Variants in CCDC150 observed in about 807,000 individuals in gnomAD.
CCDC150 encodes coiled-coil domain-containing protein 150.
Under a neutral mutation model 156.5 loss-of-function variants are expected in CCDC150, and 151 were observed. The ratio of observed to expected loss-of-function variants is 0.97; its 90% confidence interval spans 0.85 to 1.10. The LOEUF is 1.10. Ranked by LOEUF, CCDC150 falls within the 50% of genes least tolerant of loss-of-function variation. CCDC150 has a pLI of 0.00. For synonymous variants in CCDC150, 452 were observed against 429.4 expected (o/e 1.05, Z -0.65); for missense variants, 1,312 against 1,268.1 (o/e 1.03, Z -0.53).
At chr2:196,720,775 A>T in intron 20 of CCDC150, 107 bp downstream of exon 20, 1 of 1,004,324 alleles carries the variant, frequency 1.0e-6, no homozygotes, top group Non-Finnish European at 1.5e-6. Context: ...TGTTTTTTTC[A>T]ATCAAGTCTG....
At chr2:196,646,866 C>G (rs1373770450) in intron 2 of CCDC150, among the ~76,000 whole-genome samples, 4 of 151,908 alleles carry the variant, frequency 2.6e-5, no homozygotes, top group African/African-American at 9.7e-5. Flanking sequence ...TTGCTTCATG[C>G]CATTAATTTG....
At position 196,646,425 on chromosome 2, in the gene CCDC150, CA is replaced by C; in HGVS notation, c.98del (p.Gln33ArgfsTer4). ...ATASETFTVL[Q>X]QRMRIVEEQT... Reference sequence around the variant, plus strand: ...AGCTTCTGAAACATTCACAGTACTTCAGCAAAGGATGAGAATAGTTGAGGAA... The same window carrying C: ...AGCTTCTGAAACATTCACAGTACTTCGCAAAGGATGAGAATAGTTGAGGAA... On this transcript the variant is annotated frameshift_variant, in exon 2 of 28. Transcript: ENST00000389175. LOFTEE classifies it high-confidence loss of function. The C allele has an allele frequency of 6.2e-7, 1 of 1,613,638 alleles. No individual in the cohort carries two copies. The highest frequency in any genetic ancestry group is 8.5e-7 in the Non-Finnish European group (1 of 1,179,574).
At chr2:196,663,562 A>C (rs1469812760) in intron 5 of CCDC150, among the ~76,000 whole-genome samples, 1 of 152,160 alleles carries the variant, frequency 6.6e-6, no homozygotes, top group African/African-American at 2.4e-5. Flanking sequence ...TAATGAAATA[A>C]TCAGAAATGT....
intron 2 of CCDC150, among the ~76,000 whole-genome samples, chr2:196,648,207 A>C (rs1488761530): frequency 6.6e-6 from 1 of 151,930 alleles, no homozygotes; most frequent in African/African-American, 2.4e-5. Flanking sequence ...GTTTTGCAGA[A>C]CCTCCATGCT....
Position 196,712,156 on chromosome 2 carries a change from A to G in CCDC150, c.1707A>G (p.Lys569=). ...YENGKLQIKV[K]QLEEQVQSFT... is the part of the protein sequence containing the mutation. ...TGTTTTTCCTCTAGATAAAAGTTAA[A>G]CAGCTAGAAGAACAAGTACAGTCTT... Residue 569 remains lysine (K), a synonymous_variant, in exon 16 of 28, where the codon AAA becomes AAG. Transcript: ENST00000389175. The G allele has an allele frequency of 2.0e-6, 3 of 1,537,532 alleles. No homozygotes were observed. The highest frequency in any genetic ancestry group is 2.6e-6 in the Non-Finnish European group (3 of 1,136,838).
At chr2:196,713,358 T>C (rs1365953950) in intron 17 of CCDC150, 1 of 1,461,966 alleles carries the variant, frequency 6.8e-7, no homozygotes, top group Non-Finnish European at 9.0e-7. Flanking sequence ...TAATTGACGA[T>C]GCCTCTAAGA....
intron 14 of CCDC150, among the ~76,000 whole-genome samples, chr2:196,699,985 A>C (rs1218293831): frequency 1.3e-5 from 2 of 152,228 alleles, no homozygotes; most frequent in African/African-American, 4.8e-5. Flanking sequence ...GAATAGCTGT[A>C]ATCATGTTGG....
intron 13 of CCDC150, 76 bp downstream of exon 13, chr2:196,677,437 A>G: frequency 1.0e-6 from 1 of 954,176 alleles, no homozygotes. Flanking sequence ...GCTTATCTTA[A>G]TGAGGAGATG....
chr2:196,663,949 T>G (rs188460239), intron 5 of CCDC150, among the ~76,000 whole-genome samples: 6 of 152,232 alleles, frequency 3.9e-5, no homozygotes, highest in Non-Finnish European at 8.8e-5. Context: ...TACCTAATAA[T>G]AAAAGAGACT....
intron 15 of CCDC150, among the ~76,000 whole-genome samples, chr2:196,706,899 T>C (rs1696689116): frequency 1.3e-5 from 2 of 152,362 alleles, no homozygotes; most frequent in South Asian, 4.1e-4. Flanking sequence ...GATGTGCTGC[T>C]GGATTTGTTT....
At chr2:196,663,413 T>C (rs995999290) in intron 5 of CCDC150, among the ~76,000 whole-genome samples, 2 of 152,220 alleles carry the variant, frequency 1.3e-5, no homozygotes, top group Non-Finnish European at 2.9e-5. Context: ...TTAGTTTTCA[T>C]TTATTGGATC....
intron 2 of CCDC150, among the ~76,000 whole-genome samples, chr2:196,655,380 T>C (rs1017071522): frequency 6.6e-6 from 1 of 152,184 alleles, no homozygotes; most frequent in Non-Finnish European, 1.5e-5. Context: ...GTAGAAGTTA[T>C]GTCACTAGAT....
chr2:196,695,084 TGAAGAA>T lies in CCDC150; in HGVS notation c.1551_1556del (p.Glu518_Glu519del), dbSNP rs1559250142. On this transcript the variant is annotated inframe_deletion, in exon 14 of 28. Coordinates refer to ENST00000389175, the MANE Select transcript of CCDC150 (RefSeq NM_001080539.2). ...CATTAACTCATAACCTGCAGACTCTTGAAGAAGAGAATAAGCACCTGGCAGATCAAA... is the reference window on the plus strand; with the variant it reads ...CATTAACTCATAACCTGCAGACTCTTGAGAATAAGCACCTGGCAGATCAAA... 6.2e-7 allele frequency: 1 copy of T among 1,611,994 alleles called. No homozygotes were observed. The highest frequency in any genetic ancestry group is 1.7e-5 in the Admixed American group (1 of 59,850).
Position 196,665,524 on chromosome 2 carries a change from G to A in CCDC150, c.646-43G>A, listed in dbSNP as rs145159886. 5.4e-5 allele frequency: 63 copies of A among 1,162,598 alleles called. No homozygotes were observed. In the African/African-American group the frequency reaches 8.0e-4, roughly 15 times the overall value. 72.0% of individuals were successfully genotyped at this position (1,162,598 alleles called of 1,614,324 possible). On this transcript the variant is annotated intron_variant, in intron 5 of 27. Coordinates refer to ENST00000389175, the MANE Select transcript of CCDC150 (RefSeq NM_001080539.2). The stretch of plus-strand genomic sequence containing the variant: ...GGTAACTTTGATCTTTGTTAAACTA[G>A]TATGATCAATTGGTCTTGCCTAACT...
intron 19 of CCDC150, 97 bp downstream of exon 19, chr2:196,719,763 T>TAA: frequency 2.6e-6 from 2 of 779,020 alleles, no homozygotes. Flanking sequence ...TAGCTTCCTT[T>TAA]ACAAAAAAAA....
intron 13 of CCDC150, among the ~76,000 whole-genome samples, chr2:196,690,381 A>G (rs1290382302): frequency 2.0e-5 from 3 of 152,150 alleles, no homozygotes; most frequent in East Asian, 3.8e-4. Flanking sequence ...TTAAAGTATA[A>G]TAATAATAAA....
At chr2:196,713,688 G>A in intron 17 of CCDC150, 1 of 1,395,018 alleles carries the variant, frequency 7.2e-7, no homozygotes, top group Non-Finnish European at 9.3e-7. Flanking sequence ...GACTCGGTAA[G>A]TGAAGACCAC....
At chr2:196,719,710 T>C in intron 19 of CCDC150, 44 bp downstream of exon 19, 2 of 1,424,746 alleles carry the variant, frequency 1.4e-6, no homozygotes, top group Non-Finnish European at 1.9e-6. Context: ...TGCTGGATTG[T>C]ACTAAGGAGC....
Position 196,720,621 on chromosome 2 carries a change from C to T in CCDC150, c.2212C>T (p.Gln738Ter). 1 of 1,613,838 alleles carries T rather than the reference C, an allele frequency of 6.2e-7. No individual in the cohort carries two copies. The highest frequency in any genetic ancestry group is 2.2e-5 in the East Asian group (1 of 44,860). Residue 738 changes from glutamine (Q) to a stop codon, truncating the protein, a stop_gained, in exon 20 of 28, where the codon CAG becomes TAG. Coordinates refer to ENST00000389175, the MANE Select transcript of CCDC150 (RefSeq NM_001080539.2). LOFTEE classifies it high-confidence loss of function. ...RVQKLEAEVD[Q>*]WQARMLVMED... is the part of the protein sequence containing the mutation. ...GCAGAAGCTGGAAGCTGAAGTGGAC[C>T]AGTGGCAGGCCAGGATGCTTGTCAT...
Sources: gnomAD v4.1 joint callset for allele counts (sites outside exome capture counted in the v4.1 genomes callset) on GRCh38, gnomAD v4.1.1 for gene constraint, MANE v1.5 for transcripts, NCBI Gene and HGNC (gene_info 2026-07-23, HGNC 2026-07-21) for gene names.